The following PGAP1 variants were observed in gnomAD, a reference collection of about 807,000 sequenced individuals.
PGAP1 encodes the protein post-GPI attachment to proteins inositol deacylase 1.
Under a neutral mutation model 127.0 loss-of-function variants are expected in PGAP1, and 76 were observed. The ratio of observed to expected loss-of-function variants is 0.60; its 90% CI spans 0.50 to 0.72. The LOEUF is 0.72. PGAP1 is among the 30% of genes least tolerant of loss of function. The pLI is 0.00. For missense variants in PGAP1, 982 were observed against 1,071.3 expected, an observed-to-expected ratio of 0.92 and a Z score of 1.16; for synonymous variants, 362 against 366.5, an observed-to-expected ratio of 0.99 and a Z score of 0.14.
chr2:196,866,518 C>G (rs1237059888), intron 19 of PGAP1, among the ~76,000 whole-genome samples: 1 of 152,106 alleles, frequency 6.6e-6, no homozygotes, highest in Non-Finnish European at 1.5e-5. Context: ...TATAAAAACC[C>G]TAGAAGAAAA....
intron 12 of PGAP1, among the ~76,000 whole-genome samples, chr2:196,884,899 C>T (rs1701849056): frequency 6.6e-6 from 1 of 152,148 alleles, no homozygotes; most frequent in Non-Finnish European, 1.5e-5. Context: ...AAAGAACTTG[C>T]TGACCTACCA....
chr2:196,872,657 G>A (rs546412459), intron 17 of PGAP1, 108 bp from the exon 18 acceptor site: 432 of 745,956 alleles, frequency 5.8e-4, no homozygotes, highest in Middle Eastern at 1.2e-3. Context: ...AGGAAGCTAG[G>A]TGCCAGACAC....
chr2:196,885,895 C>T lies in PGAP1; in HGVS notation c.1174-15G>A. On this transcript the variant is annotated splice_polypyrimidine_tract_variant and intron_variant, in intron 10 of 26. Coordinates refer to ENST00000354764, the MANE Select transcript of PGAP1 (RefSeq NM_024989.4). ...CTATTTGTATCCTGTTGATGAACAGCACAAAACAAAACACACTAAGTATTG... is the reference window on the plus strand; with the variant it reads ...CTATTTGTATCCTGTTGATGAACAGTACAAAACAAAACACACTAAGTATTG... The T allele has an allele frequency of 7.2e-7, 1 of 1,382,770 alleles. No individual in the cohort carries two copies. Among genetic ancestry groups the T allele is most frequent in the Non-Finnish European group, 9.4e-7 (1 of 1,061,892 alleles). 85.7% of individuals were successfully genotyped at this position (1,382,770 alleles called of 1,614,324 possible). A position where few individuals can be genotyped will look rare whatever the true frequency, so the allele number is the denominator to read the frequency against.
chr2:196,861,220 A>G (rs993736957), intron 20 of PGAP1, among the ~76,000 whole-genome samples: 1 of 152,202 alleles, frequency 6.6e-6, no homozygotes, highest in African/African-American at 2.4e-5. Context: ...CGAAACGACG[A>G]AACTACCACA....
intron 26 of PGAP1, 124 bp from the exon 27 acceptor site, chr2:196,841,496 G>A: frequency 1.3e-6 from 1 of 753,578 alleles, no homozygotes; most frequent in Non-Finnish European, 2.1e-6. Flanking sequence ...AATTTTTAAT[G>A]ATATGAATTT....
intron 26 of PGAP1, among the ~76,000 whole-genome samples, chr2:196,842,216 G>T (rs765400351): frequency 2.6e-5 from 4 of 152,114 alleles, no homozygotes; most frequent in Non-Finnish European, 5.9e-5. Flanking sequence ...TTAAATATTT[G>T]GCAGAACCAG....
intron 6 of PGAP1, among the ~76,000 whole-genome samples, chr2:196,897,937 G>T (rs1702341182): frequency 6.6e-6 from 1 of 152,114 alleles, no homozygotes; most frequent in Non-Finnish European, 1.5e-5. Context: ...AACAAACCAG[G>T]CCAGGTGTGG....
At chr2:196,881,572 G>A (rs779567883) in intron 12 of PGAP1, among the ~76,000 whole-genome samples, 7 of 152,164 alleles carry the variant, frequency 4.6e-5, no homozygotes, top group Non-Finnish European at 1.0e-4. Flanking sequence ...TGACTGGTGC[G>A]AGATAGTATC....
chr2:196,858,681 A>G (rs1700968749), intron 20 of PGAP1, among the ~76,000 whole-genome samples: 1 of 152,104 alleles, frequency 6.6e-6, no homozygotes, highest in Non-Finnish European at 1.5e-5. Context: ...AATAAAGATC[A>G]GAGCAGAAAT....
At position 196,872,241 on chromosome 2, in the gene PGAP1, A is replaced by G. The variant is rs991550010; in HGVS notation, c.1728+200T>C. Among the ~76,000 whole-genome samples, 7 of 152,198 alleles carry G rather than the reference A, an allele frequency of 4.6e-5. No homozygotes were observed. The East Asian group carries it at 9.6e-4, about 21-fold the overall frequency. Reference sequence around the variant, plus strand: ...TATCTTCTATTACTTATTAAGATGTATACATTTGCAAATGGCCCAGCTATG... The same window carrying G: ...TATCTTCTATTACTTATTAAGATGTGTACATTTGCAAATGGCCCAGCTATG... On this transcript the variant is annotated intron_variant, in intron 18 of 26. Transcript: ENST00000354764.
chr2:196,878,969 C>T (rs1701644951), intron 13 of PGAP1, among the ~76,000 whole-genome samples: 1 of 152,136 alleles, frequency 6.6e-6, no homozygotes, highest in Non-Finnish European at 1.5e-5. Context: ...ATTGAAATAA[C>T]CACATGTGCT....
rs776358260 is a variant in PGAP1 at position 196,890,905 on chromosome 2, C to T, written c.1096G>A (p.Glu366Lys). Reference protein sequence around the residue: ...KWTYVAYNESEKIYFTFPLEN... With the variant: ...KWTYVAYNESKKIYFTFPLEN... The stretch of plus-strand genomic sequence containing the variant: ...AGAGGAAATGTAAAATATATCTTCT[C>T]AGATTCCTACAAAAAGAAGGAAAAC... The change falls in exon 10 of 27, where the codon GAG becomes AAG. Residue 366 changes from glutamate to lysine, a missense_variant. Transcript: ENST00000354764. 1 of 1,479,130 alleles carries T rather than the reference C, an allele frequency of 6.8e-7. No individual in the cohort carries two copies. The allele number at this position is 1,479,130 out of a possible 1,614,324, so 91.6% of individuals were successfully genotyped here.
At chr2:196,919,778 C>A (rs997866222) in intron 2 of PGAP1, among the ~76,000 whole-genome samples, 3 of 152,126 alleles carry the variant, frequency 2.0e-5, no homozygotes, top group Admixed American at 6.6e-5. Context: ...ATTCTTTGTA[C>A]CCCTCTCTTT....
rs1363623735 is a variant in PGAP1 at position 196,926,593 on chromosome 2, G to C, written c.24C>G (p.Leu8=). The change falls in exon 1 of 27, where the codon CTC becomes CTG. Residue 8 remains leucine (L), a synonymous_variant. Coordinates refer to ENST00000354764, the MANE Select transcript of PGAP1 (RefSeq NM_024989.4). MFLHSVN[L]WNLAFYVFMV... is the part of the protein sequence containing the mutation. Reference sequence around the variant, plus strand: ...TGAAGACATAAAACGCCAGGTTCCAGAGATTAACTGAGTGAAGAAACATGG... The same window carrying C: ...TGAAGACATAAAACGCCAGGTTCCACAGATTAACTGAGTGAAGAAACATGG... 1 of 1,614,236 alleles carries C rather than the reference G, an allele frequency of 6.2e-7. No individual in the cohort carries two copies. Among genetic ancestry groups the C allele is most frequent in the Non-Finnish European group, 8.5e-7 (1 of 1,180,040 alleles).
In PGAP1 at chr2:196,833,826, T is replaced by C. The variant is rs897612759; in HGVS notation, c.*7408A>G. On this transcript the variant is annotated 3_prime_UTR_variant, in exon 27 of 27. Transcript: ENST00000354764. ...GTGAATAAAATAATTTGGACCTTAA[T>C]ATAAATTATATCCATTATTTTAAAT... is the stretch of plus-strand genomic sequence containing the variant. 2 of 152,068 alleles carry C rather than the reference T, an allele frequency of 1.3e-5. No individual in the cohort carries two copies. Among genetic ancestry groups the C allele is most frequent in the Non-Finnish European group, 2.9e-5 (2 of 67,962 alleles). The allele number at this position is 152,068 out of a possible 1,614,324, so 9.4% of individuals were successfully genotyped here. A position where few individuals can be genotyped will look rare whatever the true frequency, so the allele number is the denominator to read the frequency against.
chr2:196,916,571 T>A lies in PGAP1; in HGVS notation c.324A>T (p.Ala108=), dbSNP rs1480816067. 1 of 1,611,516 alleles carries A rather than the reference T, an allele frequency of 6.2e-7. No homozygotes were observed. The highest frequency in any genetic ancestry group is 8.5e-7 in the Non-Finnish European group (1 of 1,179,004). The stretch of plus-strand genomic sequence containing the variant: ...AGTCAATGTCCTCTGCTTTTCTAAG[T>A]GCAATGGAGCCAATAGAACGAACTG... ...YKQVRSIGSI[A]LRKAEDIDFK... is the part of the protein sequence containing the mutation. The change falls in exon 3 of 27, where the codon GCA becomes GCT. Residue 108 remains alanine (A), a synonymous_variant. Coordinates refer to ENST00000354764, the MANE Select transcript of PGAP1 (RefSeq NM_024989.4).
intron 16 of PGAP1, 66 bp from the exon 17 acceptor site, chr2:196,873,092 T>C (rs1486222179): frequency 5.3e-6 from 3 of 564,416 alleles, no homozygotes; most frequent in South Asian, 2.6e-5. Context: ...TAAACTACTA[T>C]AATATCTAAC....
intron 21 of PGAP1, 87 bp downstream of exon 21, chr2:196,847,860 A>G: frequency 9.9e-7 from 1 of 1,013,726 alleles, no homozygotes; most frequent in Non-Finnish European, 1.4e-6. Flanking sequence ...CCAAATCTGT[A>G]TGAAAATTTA....
At chr2:196,859,995 A>G (rs1404589702) in intron 20 of PGAP1, among the ~76,000 whole-genome samples, 2 of 152,182 alleles carry the variant, frequency 1.3e-5, no homozygotes, top group Non-Finnish European at 2.9e-5. Context: ...ATAGAGTACT[A>G]GAAGTCCTAG....
Sources: allele counts gnomAD v4.1 joint callset (sites outside exome capture counted in the v4.1 genomes callset), GRCh38; gene constraint gnomAD v4.1.1; transcripts MANE v1.5; gene names NCBI Gene and HGNC (gene_info 2026-07-23, HGNC 2026-07-21).